Variants in MYO10 observed in about 807,000 individuals in gnomAD.
MYO10 encodes the protein unconventional myosin-X.
MYO10 carries 133 observed loss-of-function variants against 257.3 expected under a neutral mutation model. The ratio of observed to expected loss-of-function variants is 0.52; its 90% CI spans 0.45 to 0.60. The LOEUF is 0.60. Ranked by LOEUF, MYO10 falls within the 20% of genes least tolerant of loss-of-function variation. MYO10 has a pLI of 0.00. For missense variants in MYO10, 2,399 were observed against 2,635.7 expected (o/e 0.91, Z 1.97); for synonymous variants, 1,104 against 1,028.6 (o/e 1.07, Z -1.40).
intron 5 of MYO10, among the ~76,000 whole-genome samples, chr5:16,782,666 C>T (rs1052775553): frequency 2.0e-5 from 3 of 152,128 alleles, no homozygotes; most frequent in East Asian, 1.9e-4. Flanking sequence ...TGTGGTTTGC[C>T]GACCCCTGGA....
chr5:16,718,010 C>G (rs1038469391), intron 19 of MYO10, among the ~76,000 whole-genome samples: 1 of 152,196 alleles, frequency 6.6e-6, no homozygotes, highest in Non-Finnish European at 1.5e-5. Flanking sequence ...GCTGGAGTTG[C>G]GGGTGGGCGT....
chr5:16,771,455 G>T (rs919398010), intron 9 of MYO10, among the ~76,000 whole-genome samples: 1 of 150,874 alleles, frequency 6.6e-6, no homozygotes, highest in Admixed American at 6.6e-5. Context: ...AACAACAAAG[G>T]TTCAGAGAAG....
At chr5:16,896,180 T>C (rs998180020) in intron 1 of MYO10, among the ~76,000 whole-genome samples, 1 of 152,184 alleles carries the variant, frequency 6.6e-6, no homozygotes, top group Non-Finnish European at 1.5e-5. Context: ...CTCAGGTGTT[T>C]AGGTGATATG....
chr5:16,866,892 G>A (rs535260088), intron 2 of MYO10, among the ~76,000 whole-genome samples: 4 of 152,226 alleles, frequency 2.6e-5, no homozygotes, highest in South Asian at 2.1e-4. Flanking sequence ...ACCCACAGCC[G>A]CTCTTCCCGG....
chr5:16,669,467 G>A (rs1176952874), intron 39 of MYO10, among the ~76,000 whole-genome samples: 1 of 152,136 alleles, frequency 6.6e-6, no homozygotes. Context: ...GCCTCCCAAA[G>A]CGCTGGGATT....
intron 30 of MYO10, among the ~76,000 whole-genome samples, chr5:16,683,326 A>G (rs1035210201): frequency 6.6e-6 from 1 of 152,216 alleles, no homozygotes; most frequent in African/African-American, 2.4e-5. Flanking sequence ...AAACAGAGAC[A>G]ATAAAGATGA....
In MYO10 at chr5:16,773,176, T is replaced by C. The variant is rs548521496; in HGVS notation, c.931-3973A>G. ...AACAGAAACAAAGAATAAGAACTAT[T>C]TGCCAAGTGCTTATCAATTTTAAAA... On this transcript the variant is annotated intron_variant, in intron 9 of 40. Transcript: ENST00000513610. Among the ~76,000 whole-genome samples the C allele has an allele frequency of 2.4e-4, 37 of 152,130 alleles. 1 individual carries two copies. The highest frequency in any genetic ancestry group is 3.4e-4 in the Non-Finnish European group (23 of 68,018).
At chr5:16,684,036 G>A in intron 29 of MYO10, 101 bp from the exon 30 acceptor site, 2 of 1,061,856 alleles carry the variant, frequency 1.9e-6, no homozygotes, top group Non-Finnish European at 2.8e-6. Flanking sequence ...GACAGAAAAG[G>A]CTCTTTTCTT....
chr5:16,752,066 A>T (rs1182855083), intron 19 of MYO10, among the ~76,000 whole-genome samples: 1 of 152,132 alleles, frequency 6.6e-6, no homozygotes, highest in Non-Finnish European at 1.5e-5. Context: ...TATAGGAAAA[A>T]CTAACTCTGT....
chr5:16,692,173 C>G (rs1257818919), intron 27 of MYO10, among the ~76,000 whole-genome samples: 1 of 152,202 alleles, frequency 6.6e-6, no homozygotes, highest in East Asian at 1.9e-4. Context: ...GTAATCCCAG[C>G]ACTTTGGGAG....
chr5:16,718,685 C>T (rs1739009887), intron 19 of MYO10, among the ~76,000 whole-genome samples: 1 of 144,376 alleles, frequency 6.9e-6, no homozygotes, highest in Non-Finnish European at 1.5e-5. Context: ...AATCGACACT[C>T]TGTATCTAGC....
Position 16,681,925 on chromosome 5 carries a change from G to A in MYO10, c.4135C>T (p.Leu1379=). 1 of 1,613,978 alleles carries A rather than the reference G, an allele frequency of 6.2e-7. No homozygotes were observed. The highest frequency in any genetic ancestry group is 2.2e-5 in the East Asian group (1 of 44,864). ...CTGGTGTCCCCTTTGGACCTCTGCAGCAGGGTTATCCAGTGGTGCATCTCC... is the reference window on the plus strand; with the variant it reads ...CTGGTGTCCCCTTTGGACCTCTGCAACAGGGTTATCCAGTGGTGCATCTCC... ...PEEMHHWITL[L]QRSKGDTRVE... Residue 1379 remains leucine (L), a synonymous_variant, in exon 31 of 41, where the codon CTG becomes TTG. Transcript: ENST00000513610.
At chr5:16,913,491 T>A (rs541946705) in intron 1 of MYO10, among the ~76,000 whole-genome samples, 59 of 152,328 alleles carry the variant, frequency 3.9e-4, no homozygotes, top group African/African-American at 1.4e-3. Flanking sequence ...TATCGCAGAA[T>A]TTCCTTCTTC....
At chr5:16,817,796 C>T (rs1644891599) in intron 3 of MYO10, among the ~76,000 whole-genome samples, 1 of 152,194 alleles carries the variant, frequency 6.6e-6, no homozygotes, top group African/African-American at 2.4e-5. Flanking sequence ...GGCCCTTCCA[C>T]AGAAAGTAAA....
chr5:16,790,890 T>C (rs1392480577), intron 4 of MYO10, among the ~76,000 whole-genome samples: 1 of 105,024 alleles, frequency 9.5e-6, no homozygotes, highest in East Asian at 2.6e-4. Flanking sequence ...AAGTAAGTTT[T>C]AAATTTATAT....
intron 3 of MYO10, among the ~76,000 whole-genome samples, chr5:16,800,209 C>T (rs1354352700): frequency 6.6e-6 from 1 of 152,058 alleles, no homozygotes; most frequent in Non-Finnish European, 1.5e-5. Context: ...GTCAGTCAGC[C>T]TAGTGAGTTA....
intron 3 of MYO10, among the ~76,000 whole-genome samples, chr5:16,805,118 T>C (rs1042476071): frequency 3.3e-5 from 5 of 150,920 alleles, no homozygotes; most frequent in Non-Finnish European, 7.4e-5. Context: ...CAGCTGGAGG[T>C]GGGGAAAGAG....
chr5:16,798,845 C>T (rs777112348), intron 3 of MYO10, among the ~76,000 whole-genome samples: 1 of 152,126 alleles, frequency 6.6e-6, no homozygotes, highest in Non-Finnish European at 1.5e-5. Context: ...CAACCATCAA[C>T]ACGGCGGGCT....
chr5:16,763,772 T>C lies in MYO10; in HGVS notation c.1327-17A>G, dbSNP rs1386509213. 2 of 1,410,326 alleles carry C rather than the reference T, an allele frequency of 1.4e-6. No individual in the cohort carries two copies. Among genetic ancestry groups the C allele is most frequent in the Admixed American group, 3.6e-5 (2 of 55,510 alleles). 87.4% of individuals were successfully genotyped at this position (1,410,326 alleles called of 1,614,324 possible). A position where few individuals can be genotyped will look rare whatever the true frequency, so the allele number is the denominator to read the frequency against. Reference sequence around the variant, plus strand: ...GTGATTAACCTAAGGGGGGAAAGCATTCAATAAGTATCTTTAGTGTACTCA... The same window carrying C: ...GTGATTAACCTAAGGGGGGAAAGCACTCAATAAGTATCTTTAGTGTACTCA... On this transcript the variant is annotated splice_polypyrimidine_tract_variant and intron_variant, in intron 12 of 40. Coordinates refer to ENST00000513610, the MANE Select transcript of MYO10 (RefSeq NM_012334.3).
Sources: allele counts gnomAD v4.1 joint callset (sites outside exome capture counted in the v4.1 genomes callset), GRCh38; gene constraint gnomAD v4.1.1; transcripts MANE v1.5; gene names NCBI Gene and HGNC (gene_info 2026-07-23, HGNC 2026-07-21).